Variants in CORO2B observed in about 807,000 individuals in gnomAD.
CORO2B encodes coronin 2B, also known as coronin-2B.
CORO2B carries 26 observed loss-of-function variants against 58.8 expected under a neutral mutation model. That is an observed-to-expected ratio of 0.44 (90% CI 0.32 to 0.61). The LOEUF (loss-of-function observed/expected upper bound fraction) is 0.61, where lower values mean the gene tolerates loss of function less well. Among genes scored for constraint, CORO2B ranks in the 20% least tolerant of loss-of-function variants. CORO2B has a pLI of 0.04. For synonymous variants in CORO2B, 242 were observed against 253.8 expected (o/e 0.95, Z 0.44); for missense variants, 460 against 645.1 (o/e 0.71, Z 3.11).
chr15:68,650,781 C>A (rs1013229881), intron 2 of CORO2B, among the ~76,000 whole-genome samples: 1 of 152,058 alleles, frequency 6.6e-6, no homozygotes, highest in Non-Finnish European at 1.5e-5. Context: ...TTTGTACTTT[C>A]GAAAAAATAG....
At chr15:68,725,332 G>A (rs1403423136) in intron 11 of CORO2B, among the ~76,000 whole-genome samples, 7 of 152,038 alleles carry the variant, frequency 4.6e-5, no homozygotes, top group South Asian at 2.1e-4. Context: ...TCATGCCACC[G>A]CACTACAGCC....
At chr15:68,654,071 G>C (rs961974572) in intron 2 of CORO2B, among the ~76,000 whole-genome samples, 5 of 152,194 alleles carry the variant, frequency 3.3e-5, no homozygotes, top group African/African-American at 1.2e-4. Flanking sequence ...AAAGGGAGGA[G>C]AATTGTGCTC....
chr15:68,637,180 C>A (rs925058317), intron 1 of CORO2B, among the ~76,000 whole-genome samples: 1 of 152,216 alleles, frequency 6.6e-6, no homozygotes, highest in Admixed American at 6.5e-5. Flanking sequence ...CTGAGAGACG[C>A]TATGCTGAGA....
intron 1 of CORO2B, among the ~76,000 whole-genome samples, chr15:68,625,605 C>G (rs1406355250): frequency 6.6e-6 from 1 of 151,978 alleles, no homozygotes; most frequent in Non-Finnish European, 1.5e-5. Context: ...TTTGTTGTTT[C>G]TTGTTTTGGG....
intron 2 of CORO2B, among the ~76,000 whole-genome samples, chr15:68,671,965 CAG>C (rs1902410361): frequency 6.6e-6 from 1 of 152,270 alleles, no homozygotes; most frequent in South Asian, 2.1e-4. Flanking sequence ...AAGGGGCAGT[CAG>C]GGGCTATCCA....
At chr15:68,582,018 A>G (rs184291909) in intron 1 of CORO2B, among the ~76,000 whole-genome samples, 132 of 152,290 alleles carry the variant, frequency 8.7e-4, no homozygotes, top group African/African-American at 2.9e-3. Context: ...CAAGTGGAGA[A>G]GAGGAAAGCA....
intron 1 of CORO2B, among the ~76,000 whole-genome samples, chr15:68,600,721 A>T (rs1383990149): frequency 6.6e-6 from 1 of 152,088 alleles, no homozygotes. Context: ...GCCTTTGGGG[A>T]AGATGTGGAG....
chr15:68,628,578 TGTATTAAGCCCATG>T (rs1336085165), intron 1 of CORO2B, among the ~76,000 whole-genome samples: 2 of 152,198 alleles, frequency 1.3e-5, no homozygotes, highest in Non-Finnish European at 2.9e-5. Flanking sequence ...AATAGCTACA[TGTATTAAGCCCATG>T]GTATGAGCAA....
At chr15:68,547,404 A>G in the CORO2B span, among the ~76,000 whole-genome samples, 2 of 152,246 alleles carry the variant, frequency 1.3e-5, no homozygotes, top group Admixed American at 1.3e-4. Flanking sequence ...TTAAAAATAC[A>G]GAAAATACAG....
chr15:68,671,316 G>A (rs1381667200), intron 2 of CORO2B, among the ~76,000 whole-genome samples: 2 of 152,180 alleles, frequency 1.3e-5, no homozygotes, highest in East Asian at 1.9e-4. Context: ...GAATGTCAGG[G>A]ACTGTGCCCA....
At chr15:68,519,060 G>A in the CORO2B span, among the ~76,000 whole-genome samples, 1 of 152,300 alleles carries the variant, frequency 6.6e-6, no homozygotes, top group South Asian at 2.1e-4. Context: ...AGGAGCCCCT[G>A]ACCCAGATGC....
intron 1 of CORO2B, among the ~76,000 whole-genome samples, chr15:68,610,588 G>A (rs191091301): frequency 1.3e-4 from 20 of 152,040 alleles, no homozygotes; most frequent in Admixed American, 4.6e-4. Context: ...CATCCTGCGC[G>A]TTTAAATTTG....
At chr15:68,706,520 C>CT (rs1362428700) in intron 3 of CORO2B, among the ~76,000 whole-genome samples, 1 of 152,282 alleles carries the variant, frequency 6.6e-6, no homozygotes, top group Non-Finnish European at 1.5e-5. Context: ...CTTCAAAGAT[C>CT]TTTCTTGATG....
intron 1 of CORO2B, among the ~76,000 whole-genome samples, chr15:68,615,396 C>T (rs1257739531): frequency 6.6e-6 from 1 of 152,186 alleles, no homozygotes; most frequent in Non-Finnish European, 1.5e-5. Context: ...TGGTGTAGGG[C>T]AATCACACAG....
intron 2 of CORO2B, among the ~76,000 whole-genome samples, chr15:68,691,820 G>A (rs925716172): frequency 1.3e-5 from 2 of 151,962 alleles, no homozygotes; most frequent in East Asian, 1.9e-4. Context: ...CCAGTGTATC[G>A]CCCGTGGGCT....
At chr15:68,563,228 C>G in the CORO2B span, among the ~76,000 whole-genome samples, 4 of 151,846 alleles carry the variant, frequency 2.6e-5, no homozygotes, top group East Asian at 7.8e-4. Context: ...TGGCTCACAC[C>G]TATAATCCCA....
intron 1 of CORO2B, chr15:68,641,474 G>A (rs148843579): frequency 0.03 from 28,068 of 942,520 alleles, 461 homozygotes; most frequent in Non-Finnish European, 0.033. Flanking sequence ...GTGGGAGGAA[G>A]CAGAAGGAGC....
chr15:68,561,044 G>C, the CORO2B span, among the ~76,000 whole-genome samples: 25 of 152,196 alleles, frequency 1.6e-4, no homozygotes, highest in Non-Finnish European at 2.9e-4. Context: ...AGAGCATAGA[G>C]CTCTGGTGGT....
chr15:68,541,762 G>A, the CORO2B span, among the ~76,000 whole-genome samples: 13 of 152,252 alleles, frequency 8.5e-5, no homozygotes, highest in East Asian at 5.8e-4. Context: ...TGATTCTTTC[G>A]CTGGCTCATG....
Sources: gnomAD v4.1 joint callset for allele counts (sites outside exome capture counted in the v4.1 genomes callset) on GRCh38, gnomAD v4.1.1 for gene constraint, MANE v1.5 for transcripts, NCBI Gene and HGNC (gene_info 2026-07-23, HGNC 2026-07-21) for gene names.